Variants in GGT5 observed in about 807,000 individuals in gnomAD.
GGT5 encodes the protein glutathione hydrolase 5 proenzyme.
A neutral mutation model predicts 58.1 loss-of-function variants in GGT5; 50 were observed. The observed-to-expected ratio is 0.86, with a 90% CI of 0.69 to 1.09. The LOEUF is 1.09. GGT5 is among the 50% of genes least tolerant of loss of function. The pLI, the probability that GGT5 is intolerant of heterozygous loss-of-function variation, is 0.00. For missense variants in GGT5, 800 were observed against 789.4 expected (o/e 1.01, Z -0.16); for synonymous variants, 370 against 346.1 (o/e 1.07, Z -0.77).
intron 8 of GGT5, 145 bp from the exon 9 acceptor site, chr22:24,225,797 A>T: frequency 1.5e-6 from 1 of 656,832 alleles, no homozygotes; most frequent in South Asian, 1.7e-5. Flanking sequence ...GGCACCACCC[A>T]GGAGGGGTCC....
At position 24,220,585 on chromosome 22, in the gene GGT5, CTAAAAAATAAAAAA is replaced by C. The variant is rs1485797334; in HGVS notation, c.1615-483_1615-470del. 18 of 449,616 alleles carry C rather than the reference CTAAAAAATAAAAAA, an allele frequency of 4.0e-5. No homozygotes were observed. In the East Asian group the frequency reaches 1.2e-3, roughly 30 times the overall value. 27.9% of individuals were successfully genotyped at this position (449,616 alleles called of 1,614,324 possible). A position where few individuals can be genotyped will look rare whatever the true frequency, so the allele number is the denominator to read the frequency against. On this transcript the variant is annotated intron_variant, in intron 11 of 11. Coordinates refer to ENST00000327365, the MANE Select transcript of GGT5 (RefSeq NM_004121.5). ...TGGGCAATGCAGCAAGATCCTGTTT[CTAAAAAATAAAAAA>C]TAAGAAATAAAAAAAAGCCAGGCGT...
At chr22:24,228,703 G>A (rs929116513) in intron 6 of GGT5, among the ~76,000 whole-genome samples, 1 of 152,004 alleles carries the variant, frequency 6.6e-6, no homozygotes. Flanking sequence ...GCCTGCCTTG[G>A]CCTCCCAAAG....
intron 11 of GGT5, among the ~76,000 whole-genome samples, chr22:24,220,967 T>C (rs1218050845): frequency 6.7e-6 from 1 of 150,364 alleles, no homozygotes; most frequent in Non-Finnish European, 1.5e-5. Context: ...GGAGGATCCC[T>C]TGAGGCTAGG....
At chr22:24,229,850 CAAAAAAAAAA>C (rs896565154) in intron 6 of GGT5, among the ~76,000 whole-genome samples, 1 of 110,488 alleles carries the variant, frequency 9.1e-6, no homozygotes, top group African/African-American at 3.4e-5. Flanking sequence ...GATTCCATCT[CAAAAAAAAAA>C]AGAAAAAAAA....
intron 1 of GGT5, chr22:24,244,318 C>CCACAAATACACAT (rs1491216780): frequency 1.4e-3 from 635 of 456,996 alleles, no homozygotes; most frequent in Admixed American, 4.4e-3. Context: ...CACACACACC[C>CCACAAATACACAT]ACCCACACAT....
chr22:24,227,562 A>T (rs778637162), intron 6 of GGT5, among the ~76,000 whole-genome samples: 9 of 152,068 alleles, frequency 5.9e-5, no homozygotes, highest in Non-Finnish European at 1.2e-4. Flanking sequence ...TACGTTAAAG[A>T]TTTTGAGAGG....
chr22:24,226,889 A>G, intron 6 of GGT5, 122 bp from the exon 7 acceptor site: 1 of 708,044 alleles, frequency 1.4e-6, no homozygotes, highest in South Asian at 1.8e-5. Flanking sequence ...TGTGGATATT[A>G]CCTTATACAG....
chr22:24,226,698 T>C lies in GGT5; in HGVS notation c.971A>G (p.Glu324Gly). The change falls in exon 7 of 12, where the codon GAG becomes GGG. Residue 324 changes from glutamate to glycine, a missense_variant. Glu to Gly is a moderately conservative substitution (Grantham distance 98, BLOSUM62 -2). Coordinates refer to ENST00000327365, the MANE Select transcript of GGT5 (RefSeq NM_004121.5). ...GRVNVYHHLV[E>G]TLKFAKGQRW... ...CTGCCCCTTGGCAAACTTGAGCGTC[T>C]CTACAAGGTGGTGGTACACGTTCAC... The C allele has an allele frequency of 6.2e-7, 1 of 1,613,830 alleles. No individual in the cohort carries two copies. The highest frequency in any genetic ancestry group is 1.6e-4 in the Middle Eastern group (1 of 6,062).
chr22:24,233,646 G>T lies in GGT5; in HGVS notation c.305-53C>A, dbSNP rs780447227. The T allele has an allele frequency of 9.4e-6, 10 of 1,068,180 alleles. 1 individual carries two copies. The South Asian group carries it at 1.2e-4, about 13-fold the overall frequency. The allele number at this position is 1,068,180 out of a possible 1,614,324, so 66.2% of individuals were successfully genotyped here. The stretch of plus-strand genomic sequence containing the variant: ...TCATGGACCCTGCAGACAGCCCCTG[G>T]CCTGCTCTAGGCCTCAGTTTCCATC... On this transcript the variant is annotated intron_variant, in intron 2 of 11. Coordinates refer to ENST00000327365, the MANE Select transcript of GGT5 (RefSeq NM_004121.5).
intron 3 of GGT5, 66 bp from the exon 4 acceptor site, chr22:24,233,084 T>G: frequency 8.3e-7 from 1 of 1,207,874 alleles, no homozygotes; most frequent in Non-Finnish European, 1.1e-6. Flanking sequence ...CCATCACCCC[T>G]ACATGTGGCC....
chr22:24,236,086 C>G (rs1477492426), intron 1 of GGT5, among the ~76,000 whole-genome samples: 3 of 152,172 alleles, frequency 2.0e-5, no homozygotes, highest in African/African-American at 7.2e-5. Context: ...CCAGTCCTCT[C>G]CCTACACTCG....
In GGT5 at chr22:24,228,169, C is replaced by T. The variant is rs571424534; in HGVS notation, c.902-1402G>A. Among the ~76,000 whole-genome samples the T allele has an allele frequency of 4.0e-5, 6 of 151,316 alleles. No homozygotes were observed. In the East Asian group the frequency reaches 9.7e-4, roughly 25 times the overall value. On this transcript the variant is annotated intron_variant, in intron 6 of 11. Transcript: ENST00000327365. ...CCGTTCTCGGCTGGGTGCAGTGGCTCATGCCTGTAATCCCAAAACTTTGGG... is the reference window on the plus strand; with the variant it reads ...CCGTTCTCGGCTGGGTGCAGTGGCTTATGCCTGTAATCCCAAAACTTTGGG...
At chr22:24,238,934 TATATA>T (rs1453194970) in intron 1 of GGT5, among the ~76,000 whole-genome samples, 1,475 of 22,438 alleles carry the variant, frequency 0.066, 229 homozygotes, top group African/African-American at 0.26. Flanking sequence ...TAATATATAT[TATATA>T]ATATATATAT....
chr22:24,235,587 C>T (rs1211691157), intron 1 of GGT5, among the ~76,000 whole-genome samples: 2 of 152,180 alleles, frequency 1.3e-5, no homozygotes, highest in Non-Finnish European at 2.9e-5. Flanking sequence ...CACAGGGACA[C>T]ATGTAATCTT....
chr22:24,229,194 A>G (rs2047864862), intron 6 of GGT5, among the ~76,000 whole-genome samples: 2 of 152,102 alleles, frequency 1.3e-5, no homozygotes, highest in South Asian at 4.1e-4. Flanking sequence ...ACCTGAGGTC[A>G]GGAGTTCAAG....
chr22:24,231,566 G>A (rs750728689), intron 5 of GGT5, 36 bp from the exon 6 acceptor site: 1 of 1,573,554 alleles, frequency 6.4e-7, no homozygotes, highest in Non-Finnish European at 8.6e-7. Context: ...TGAACAGATG[G>A]GAAACTGAGG....
chr22:24,225,475 G>A, intron 9 of GGT5, 64 bp from the exon 10 acceptor site: 1 of 1,597,430 alleles, frequency 6.3e-7, no homozygotes, highest in Non-Finnish European at 8.6e-7. Flanking sequence ...TGCAACCCCA[G>A]CCCAGCCCCC....
chr22:24,238,858 TATATATAATATATATA>T lies in GGT5; in HGVS notation c.174-4870_174-4855del, dbSNP rs1569371945. On this transcript the variant is annotated intron_variant, in intron 1 of 11. Transcript: ENST00000327365. ...TTATATATATATATTATATATATTATATATATAATATATATAATATATATTATATATTTTATATATA... is the reference window on the plus strand; with the variant it reads ...TTATATATATATATTATATATATTATATATATATTATATATTTTATATATA... Among the ~76,000 whole-genome samples, 35 of 12,404 alleles carry T rather than the reference TATATATAATATATATA, an allele frequency of 2.8e-3. 2 individuals carry two copies. The highest frequency in any genetic ancestry group is 0.015 in the African/African-American group (34 of 2,288). 8.1% of individuals were successfully genotyped at this position (12,404 alleles called of 152,430 possible).
chr22:24,244,335 A>G, intron 1 of GGT5: 2 of 565,534 alleles, frequency 3.5e-6, no homozygotes, highest in South Asian at 4.2e-5. Context: ...ACATACACAT[A>G]CCCACACACA....
Sources: gnomAD v4.1 joint callset for allele counts (sites outside exome capture counted in the v4.1 genomes callset) on GRCh38, gnomAD v4.1.1 for gene constraint, MANE v1.5 for transcripts, NCBI Gene and HGNC (gene_info 2026-07-23, HGNC 2026-07-21) for gene names.